Variants in ANP32A observed in about 807,000 individuals in gnomAD.
ANP32A encodes acidic leucine-rich nuclear phosphoprotein 32 family member A.
In ANP32A, 1 loss-of-function variant was observed where a neutral mutation model predicts 33.9. That is an observed-to-expected ratio of 0.03 (90% CI 0.01 to 0.14). The LOEUF (loss-of-function observed/expected upper bound fraction) is 0.14, where lower values mean the gene tolerates loss of function less well. ANP32A is among the 10% of genes least tolerant of loss of function. The pLI is 1.00. For synonymous variants in ANP32A, 115 were observed against 120.5 expected (o/e 0.95, Z 0.30); for missense variants, 155 against 306.0 (o/e 0.51, Z 3.68).
intron 1 of ANP32A, among the ~76,000 whole-genome samples, chr15:68,808,121 T>C (rs568352747): frequency 1.2e-4 from 19 of 152,338 alleles, no homozygotes; most frequent in African/African-American, 4.3e-4. Context: ...TGCTCCATTT[T>C]CCTCTAGTTT....
At chr15:68,796,508 C>A (rs1171962384) in intron 1 of ANP32A, among the ~76,000 whole-genome samples, 1 of 152,240 alleles carries the variant, frequency 6.6e-6, no homozygotes, top group African/African-American at 2.4e-5. Context: ...AGCCACCACA[C>A]CCAGCCGCAG....
intron 1 of ANP32A, among the ~76,000 whole-genome samples, chr15:68,819,605 C>T (rs984705562): frequency 1.4e-4 from 21 of 152,246 alleles, no homozygotes; most frequent in African/African-American, 5.1e-4. Flanking sequence ...GACAAAGTTT[C>T]CCGTGCCCAT....
intron 1 of ANP32A, among the ~76,000 whole-genome samples, chr15:68,803,844 C>T (rs1894174285): frequency 7.6e-6 from 1 of 130,846 alleles, no homozygotes; most frequent in Non-Finnish European, 1.6e-5. Flanking sequence ...GCTCTGTTGC[C>T]AGGCTGGAGT....
Position 68,784,521 on chromosome 15 carries a change from A to G in ANP32A, c.402T>C (p.Asn134=). Residue 134 remains asparagine, a synonymous_variant, in exon 4 of 7, where the codon AAT becomes AAC. Transcript: ENST00000465139. ...TGAGTTGCGGGAGGAGCTTGAACAC[A>G]TTTTCTCGGTAGTCGTTCAGGTTGG... ...EVTNLNDYRE[N]VFKLLPQLTY... 6.2e-7 allele frequency: 1 copy of G among 1,613,060 alleles called. No individual in the cohort carries two copies. Among genetic ancestry groups the G allele is most frequent in the Non-Finnish European group, 8.5e-7 (1 of 1,179,754 alleles).
intron 3 of ANP32A, chr15:68,787,124 A>G (rs1459196481): frequency 5.4e-6 from 2 of 371,216 alleles, no homozygotes; most frequent in Admixed American, 3.8e-5. Flanking sequence ...TCCAAAGCTG[A>G]GCAGAAACTG....
At chr15:68,812,271 A>G (rs1033809825) in intron 1 of ANP32A, among the ~76,000 whole-genome samples, 2 of 152,196 alleles carry the variant, frequency 1.3e-5, no homozygotes, top group African/African-American at 4.8e-5. Context: ...TGTGGGGGAA[A>G]CCAGGTGCAC....
intron 1 of ANP32A, chr15:68,791,295 G>T (rs940873285): frequency 6.0e-4 from 91 of 152,340 alleles, no homozygotes; most frequent in African/African-American, 2.1e-3. Flanking sequence ...TTCTCTGAAG[G>T]TTCTCATGTC....
At position 68,779,197 on chromosome 15, in the gene ANP32A, T is replaced by C. The variant is rs1262974011; in HGVS notation, c.*884A>G. 6.6e-6 allele frequency: 1 copy of C among 152,012 alleles called. No individual in the cohort carries two copies. The highest frequency in any genetic ancestry group is 2.1e-4 in the South Asian group (1 of 4,826). The allele number at this position is 152,012 out of a possible 1,614,324, so 9.4% of individuals were successfully genotyped here. A position where few individuals can be genotyped will look rare whatever the true frequency, so the allele number is the denominator to read the frequency against. On this transcript the variant is annotated 3_prime_UTR_variant, in exon 7 of 7. Coordinates refer to ENST00000465139, the MANE Select transcript of ANP32A (RefSeq NM_006305.4). ...TATGAAAAAAAAAACCCAGCCGACATGCAGCAACGTCTCCAGCGCTTAGGT... is the reference window on the plus strand; with the variant it reads ...TATGAAAAAAAAAACCCAGCCGACACGCAGCAACGTCTCCAGCGCTTAGGT...
At chr15:68,802,819 A>ATTTTTTTT (rs1228755138) in intron 1 of ANP32A, among the ~76,000 whole-genome samples, 1 of 151,900 alleles carries the variant, frequency 6.6e-6, no homozygotes, top group African/African-American at 2.4e-5. Flanking sequence ...TGCCCGGCTA[A>ATTTTTTTT]TTTTTTATAT....
rs556516490 is a variant in ANP32A at position 68,779,149 on chromosome 15, G to A, written c.*932C>T. The A allele has an allele frequency of 7.2e-5, 11 of 151,874 alleles. No individual in the cohort carries two copies. The highest frequency in any genetic ancestry group is 3.4e-3 in the Middle Eastern group (1 of 294). 9.4% of individuals were successfully genotyped at this position (151,874 alleles called of 1,614,324 possible). ...ACTAGGTAAGAAAATACAATTTTGC[G>A]TTAGTTTTTCCGTGCTCGGGTGTAT... On this transcript the variant is annotated 3_prime_UTR_variant, in exon 7 of 7. Coordinates refer to ENST00000465139, the MANE Select transcript of ANP32A (RefSeq NM_006305.4).
At chr15:68,809,447 A>T (rs1894283485) in intron 1 of ANP32A, among the ~76,000 whole-genome samples, 1 of 152,156 alleles carries the variant, frequency 6.6e-6, no homozygotes, top group South Asian at 2.1e-4. Flanking sequence ...GAATTTCAGG[A>T]CTTTTTAGAT....
At chr15:68,820,286 C>G (rs1894454450) in intron 1 of ANP32A, among the ~76,000 whole-genome samples, 1 of 152,156 alleles carries the variant, frequency 6.6e-6, no homozygotes, top group South Asian at 2.1e-4. Context: ...GTTGTTAAAT[C>G]CAGGAGGCAG....
At chr15:68,806,392 C>T (rs539372526) in intron 1 of ANP32A, among the ~76,000 whole-genome samples, 2 of 152,254 alleles carry the variant, frequency 1.3e-5, no homozygotes, top group Non-Finnish European at 2.9e-5. Flanking sequence ...CTCCTGAGTG[C>T]CTACACATGC....
intron 1 of ANP32A, among the ~76,000 whole-genome samples, chr15:68,797,711 C>G (rs1467827942): frequency 6.6e-6 from 1 of 152,190 alleles, no homozygotes; most frequent in African/African-American, 2.4e-5. Context: ...AAGTGCTTCT[C>G]CCCTCATAGA....
At chr15:68,791,449 G>C (rs546936011) in intron 1 of ANP32A, 1 of 152,728 alleles carries the variant, frequency 6.5e-6, no homozygotes, top group East Asian at 1.9e-4. Context: ...TTTCTTTTCA[G>C]CTCCTCTTCT....
chr15:68,796,901 G>A (rs1395939966), intron 1 of ANP32A, among the ~76,000 whole-genome samples: 10 of 152,134 alleles, frequency 6.6e-5, no homozygotes, highest in Admixed American at 6.5e-4. Flanking sequence ...GAGCCTGAGT[G>A]CCCACCCCAC....
chr15:68,810,713 G>A (rs1596074864), intron 1 of ANP32A, among the ~76,000 whole-genome samples: 1 of 152,164 alleles, frequency 6.6e-6, no homozygotes, highest in East Asian at 1.9e-4. Context: ...GCAGTGACTA[G>A]AGCCGTAGAA....
intron 1 of ANP32A, among the ~76,000 whole-genome samples, chr15:68,799,546 C>T (rs1894104008): frequency 1.3e-5 from 2 of 152,192 alleles, no homozygotes; most frequent in Middle Eastern, 3.4e-3. Context: ...CCACATGACT[C>T]GAGACAATGT....
At chr15:68,815,127 G>C (rs557788861) in intron 1 of ANP32A, among the ~76,000 whole-genome samples, 14 of 152,288 alleles carry the variant, frequency 9.2e-5, no homozygotes, top group African/African-American at 2.9e-4. Flanking sequence ...ATTACTTACA[G>C]GGCACAGAAC....
Sources: gnomAD v4.1 joint callset for allele counts (sites outside exome capture counted in the v4.1 genomes callset) on GRCh38, gnomAD v4.1.1 for gene constraint, MANE v1.5 for transcripts, NCBI Gene and HGNC (gene_info 2026-07-23, HGNC 2026-07-21) for gene names.